Variants in PPFIA1 observed in about 807,000 individuals in gnomAD.
PPFIA1 encodes liprin-alpha-1.
Under a neutral mutation model 149.9 loss-of-function variants are expected in PPFIA1, and 25 were observed. That is an observed-to-expected ratio of 0.17 (90% confidence interval 0.12 to 0.23). PPFIA1 has a LOEUF of 0.23. Among genes scored for constraint, PPFIA1 ranks in the 10% least tolerant of loss-of-function variants. The probability of loss-of-function intolerance (pLI) is 1.00; values close to 1 mark genes in which losing one functional copy is unlikely to be tolerated. For synonymous variants in PPFIA1, 549 were observed against 552.8 expected (o/e 0.99, Z 0.10); for missense variants, 1,362 against 1,506.5 (o/e 0.90, Z 1.59).
chr11:70,288,139 A>G (rs2051279380), intron 2 of PPFIA1, among the ~76,000 whole-genome samples: 2 of 150,646 alleles, frequency 1.3e-5, no homozygotes, highest in Non-Finnish European at 2.9e-5. Flanking sequence ...CAGTGGCACA[A>G]TCTGGCTCAC....
chr11:70,287,885 G>C (rs2051254662), intron 2 of PPFIA1, among the ~76,000 whole-genome samples: 1 of 151,698 alleles, frequency 6.6e-6, no homozygotes, highest in East Asian at 1.9e-4. Context: ...GGGCTCAAGT[G>C]ATCCTCCTAC....
intron 2 of PPFIA1, among the ~76,000 whole-genome samples, chr11:70,302,238 C>T (rs2136364215): frequency 6.6e-6 from 1 of 152,188 alleles, no homozygotes; most frequent in South Asian, 2.1e-4. Context: ...AAGAGAGGCT[C>T]GATTGGAGGA....
At chr11:70,355,583 A>G in intron 17 of PPFIA1, 56 bp from the exon 18 acceptor site, 2 of 1,496,564 alleles carry the variant, frequency 1.3e-6, no homozygotes, top group Middle Eastern at 1.8e-4. Context: ...GCGACTGTTA[A>G]TATGTGAAGT....
intron 21 of PPFIA1, among the ~76,000 whole-genome samples, chr11:70,368,091 T>G: frequency 6.6e-6 from 1 of 152,114 alleles, no homozygotes; most frequent in East Asian, 1.9e-4. Context: ...TGAGCCGAGA[T>G]CATGCCACTA....
At chr11:70,361,624 T>C (rs2056649162) in intron 19 of PPFIA1, among the ~76,000 whole-genome samples, 1 of 151,828 alleles carries the variant, frequency 6.6e-6, no homozygotes, top group Non-Finnish European at 1.5e-5. Flanking sequence ...GTAATTTTTT[T>C]TTTTTTTTAG....
chr11:70,357,200 G>A (rs998151475), intron 19 of PPFIA1, among the ~76,000 whole-genome samples: 3 of 152,142 alleles, frequency 2.0e-5, no homozygotes, highest in African/African-American at 7.2e-5. Flanking sequence ...AGGCTTACAG[G>A]GTGAAACTTG....
intron 2 of PPFIA1, among the ~76,000 whole-genome samples, chr11:70,309,621 C>T (rs998348377): frequency 6.6e-6 from 1 of 151,670 alleles, no homozygotes; most frequent in African/African-American, 2.4e-5. Flanking sequence ...ATGAAAAAAT[C>T]CCAGTTTTGC....
At chr11:70,365,181 C>G in intron 21 of PPFIA1, 1 of 245,092 alleles carries the variant, frequency 4.1e-6, no homozygotes, top group East Asian at 1.1e-4. Flanking sequence ...GTGCTCTTCT[C>G]CTGATGGTGT....
chr11:70,308,783 A>C (rs1344495904), intron 2 of PPFIA1, among the ~76,000 whole-genome samples: 1 of 152,080 alleles, frequency 6.6e-6, no homozygotes, highest in Admixed American at 6.6e-5. Flanking sequence ...AAAACAAAAC[A>C]AAAAAACCCA....
intron 26 of PPFIA1, 69 bp downstream of exon 26, chr11:70,378,264 T>C (rs1016568471): frequency 1.3e-6 from 2 of 1,549,982 alleles, no homozygotes; most frequent in African/African-American, 1.4e-5. Context: ...GGAACATTAA[T>C]AATGATCTAA....
intron 3 of PPFIA1, 97 bp downstream of exon 3, chr11:70,324,600 C>T (rs2054156406): frequency 9.2e-7 from 1 of 1,088,294 alleles, no homozygotes; most frequent in South Asian, 1.4e-5. Context: ...TCTGTCTGGC[C>T]TGAAATACTT....
At chr11:70,272,002 C>G (rs1281743139) in intron 1 of PPFIA1, 171 bp from the exon 2 acceptor site, 3 of 764,688 alleles carry the variant, frequency 3.9e-6, no homozygotes, top group South Asian at 1.7e-5. Context: ...TATTTTTGCA[C>G]TTAATATTTG....
chr11:70,352,566 C>T (rs984673973), intron 16 of PPFIA1, among the ~76,000 whole-genome samples: 1 of 152,010 alleles, frequency 6.6e-6, no homozygotes, highest in Non-Finnish European at 1.5e-5. Context: ...ACCAGGGGTG[C>T]GTGCAGAGTG....
intron 2 of PPFIA1, among the ~76,000 whole-genome samples, chr11:70,294,519 A>G (rs1484394234): frequency 1.3e-5 from 2 of 151,208 alleles, no homozygotes; most frequent in Non-Finnish European, 2.9e-5. Context: ...GCAAAAAGTC[A>G]AAAGGGAAAT....
intron 2 of PPFIA1, among the ~76,000 whole-genome samples, chr11:70,306,580 G>T (rs1322099395): frequency 6.6e-6 from 1 of 152,152 alleles, no homozygotes; most frequent in African/African-American, 2.4e-5. Flanking sequence ...AAATGCTTGG[G>T]CATGACAACC....
chr11:70,372,813 C>T (rs572974278), intron 23 of PPFIA1, among the ~76,000 whole-genome samples: 4 of 152,284 alleles, frequency 2.6e-5, no homozygotes, highest in South Asian at 4.1e-4. Flanking sequence ...TAAATGTCTC[C>T]GGCTAGTCGT....
intron 2 of PPFIA1, among the ~76,000 whole-genome samples, chr11:70,280,597 GT>G (rs912606628): frequency 6.6e-6 from 1 of 152,090 alleles, no homozygotes; most frequent in Admixed American, 6.6e-5. Context: ...CAGGCACCCT[GT>G]TGTTGCCGAG....
chr11:70,332,171 GTTC>G, intron 9 of PPFIA1, 77 bp downstream of exon 9: 1 of 1,463,442 alleles, frequency 6.8e-7, no homozygotes, highest in East Asian at 2.5e-5. Context: ...GTTTGTCACT[GTTC>G]TTATTACATC....
At chr11:70,333,712 C>T (rs1380311375) in intron 10 of PPFIA1, among the ~76,000 whole-genome samples, 159 bp downstream of exon 10, 1 of 152,170 alleles carries the variant, frequency 6.6e-6, no homozygotes, top group East Asian at 1.9e-4. Flanking sequence ...CTGTGAGTCG[C>T]CTGCTAATGC....
Sources: allele counts gnomAD v4.1 joint callset (sites outside exome capture counted in the v4.1 genomes callset), GRCh38; gene constraint gnomAD v4.1.1; transcripts MANE v1.5; gene names NCBI Gene and HGNC (gene_info 2026-07-23, HGNC 2026-07-21).